Variants in NTRK2 observed in about 807,000 individuals in gnomAD.
NTRK2 encodes BDNF/NT-3 growth factors receptor.
Under a neutral mutation model 94.5 loss-of-function variants are expected in NTRK2, and 13 were observed. The ratio of observed to expected loss-of-function variants is 0.14; its 90% CI spans 0.09 to 0.22. The LOEUF (loss-of-function observed/expected upper bound fraction) is 0.22. Among genes scored for constraint, NTRK2 ranks in the 10% least tolerant of loss-of-function variants. NTRK2 has a pLI of 1.00. For missense variants in NTRK2, 639 were observed against 1,071.2 expected (o/e 0.60, Z 5.63); for synonymous variants, 372 against 407.4 (o/e 0.91, Z 1.05).
chr9:84,713,886 GTT>G (rs201627891), intron 6 of NTRK2, among the ~76,000 whole-genome samples: 1 of 139,950 alleles, frequency 7.1e-6, no homozygotes. Flanking sequence ...CTAGATGTGG[GTT>G]TTTTTTTTTT....
intron 14 of NTRK2, among the ~76,000 whole-genome samples, chr9:84,919,772 G>A (rs1016114385): frequency 2.0e-5 from 3 of 152,092 alleles, no homozygotes; most frequent in Non-Finnish European, 2.9e-5. Context: ...AGCAGTGGCC[G>A]CACCATATAA....
At chr9:84,876,948 G>T in intron 14 of NTRK2, 1 of 1,060,856 alleles carries the variant, frequency 9.4e-7, no homozygotes, top group Non-Finnish European at 1.1e-6. Context: ...GATTTTTATG[G>T]ACATTGGATT....
chr9:84,910,404 A>G (rs1305530132), intron 14 of NTRK2, among the ~76,000 whole-genome samples: 2 of 152,062 alleles, frequency 1.3e-5, no homozygotes, highest in Non-Finnish European at 2.9e-5. Flanking sequence ...TTCTTGGCTT[A>G]TAGATTTGTC....
In NTRK2 at chr9:84,828,034, T is replaced by G. The variant is rs184580324; in HGVS notation, c.1397-33006T>G. 3.5e-3 allele frequency among the ~76,000 whole-genome samples: 535 copies of G among 152,338 alleles called. 13 individuals carry two copies. Among genetic ancestry groups the G allele is most frequent in the Admixed American group, 0.034 (523 of 15,300 alleles). On this transcript the variant is annotated intron_variant, in intron 12 of 18. Coordinates refer to ENST00000277120, the MANE Select transcript of NTRK2 (RefSeq NM_006180.6). The stretch of plus-strand genomic sequence containing the variant: ...CTTTTGAAACTTGCCCTTCCAATTT[T>G]CATACCCATTGAGTTGCATTGACTC...
At chr9:84,733,131 G>A (rs541950244) in intron 9 of NTRK2, among the ~76,000 whole-genome samples, 16 of 152,272 alleles carry the variant, frequency 1.1e-4, no homozygotes, top group South Asian at 8.3e-4. Context: ...TGAGCCATCC[G>A]TTTGCAGAGA....
At chr9:84,951,247 T>A (rs770466970) in intron 16 of NTRK2, among the ~76,000 whole-genome samples, 11 of 152,220 alleles carry the variant, frequency 7.2e-5, no homozygotes, top group Non-Finnish European at 1.0e-4. Context: ...TGCAGTATTC[T>A]GAGACAATCT....
At chr9:84,939,682 C>A (rs930160414) in intron 15 of NTRK2, among the ~76,000 whole-genome samples, 13 of 152,160 alleles carry the variant, frequency 8.5e-5, no homozygotes, top group African/African-American at 3.1e-4. Flanking sequence ...ATAAAAAGAA[C>A]AATATCATGT....
intron 12 of NTRK2, among the ~76,000 whole-genome samples, chr9:84,838,629 C>T (rs2074008000): frequency 2.6e-5 from 4 of 152,076 alleles, no homozygotes; most frequent in African/African-American, 7.2e-5. Context: ...TAGAATACAA[C>T]ATGTTACTCA....
chr9:84,931,385 C>T (rs961800734), intron 14 of NTRK2, among the ~76,000 whole-genome samples: 11 of 146,354 alleles, frequency 7.5e-5, no homozygotes, highest in African/African-American at 2.0e-4. Flanking sequence ...CCAGCCTGGG[C>T]GACAGAGCGA....
chr9:84,841,755 T>C (rs1235609957), intron 12 of NTRK2, among the ~76,000 whole-genome samples: 1 of 152,222 alleles, frequency 6.6e-6, no homozygotes, highest in Non-Finnish European at 1.5e-5. Flanking sequence ...ATTTCCTTGT[T>C]GTCGTTGGTA....
At chr9:84,713,613 A>G (rs1435713135) in intron 6 of NTRK2, among the ~76,000 whole-genome samples, 5 of 152,126 alleles carry the variant, frequency 3.3e-5, no homozygotes, top group Non-Finnish European at 5.9e-5. Context: ...AAATAAAATC[A>G]AGTTCTTGGG....
rs183194597 is a variant in NTRK2, at chr9:84,859,236, G to C, written c.1397-1804G>C. 3.6e-3 allele frequency among the ~76,000 whole-genome samples: 554 copies of C among 152,324 alleles called. 14 individuals are homozygous for C. The highest frequency in any genetic ancestry group is 0.036 in the Admixed American group (543 of 15,292). On this transcript the variant is annotated intron_variant, in intron 12 of 18. Coordinates refer to ENST00000277120, the MANE Select transcript of NTRK2 (RefSeq NM_006180.6). ...TTGTGAGGTCTCTTCCCAGTTAGGT[G>C]GAGCCACACCAATGGTGGGGAATTC... is the stretch of plus-strand genomic sequence containing the variant.
intron 2 of NTRK2, among the ~76,000 whole-genome samples, chr9:84,689,913 T>C (rs2059945518): frequency 6.6e-6 from 1 of 152,244 alleles, no homozygotes; most frequent in African/African-American, 2.4e-5. Flanking sequence ...TTAAAAGCTT[T>C]TTTTTTAAAT....
chr9:84,844,649 TCACACACACACACACA>T (rs10562034), intron 12 of NTRK2, among the ~76,000 whole-genome samples: 16 of 140,922 alleles, frequency 1.1e-4, no homozygotes, highest in Middle Eastern at 3.5e-3. Context: ...AATACCTCAC[TCACACACACACACACA>T]CACACACACA....
intron 13 of NTRK2, among the ~76,000 whole-genome samples, chr9:84,865,856 T>G (rs1330875037): frequency 6.6e-6 from 1 of 152,228 alleles, no homozygotes; most frequent in African/African-American, 2.4e-5. Context: ...ACGTAGACAG[T>G]GCCTGTCATG....
rs2060521404 is a variant in NTRK2 at position 84,698,401 on chromosome 9, AT to A, written c.213-3757del. On this transcript the variant is annotated intron_variant, in intron 2 of 18. Transcript: ENST00000277120. The stretch of plus-strand genomic sequence containing the variant: ...TTTAATCTAATATATATATATATAT[AT>A]CACCTTATTTTAAACAATGTCTATT... 2.1e-5 allele frequency among the ~76,000 whole-genome samples: 3 copies of A among 145,812 alleles called. No homozygotes were observed. In the Admixed American group the frequency reaches 2.1e-4, roughly 10 times the overall value.
intron 17 of NTRK2, among the ~76,000 whole-genome samples, chr9:84,981,386 G>A (rs532430079): frequency 2.6e-4 from 40 of 152,178 alleles, no homozygotes; most frequent in South Asian, 4.1e-4. Context: ...ACAGGTGTGA[G>A]CCACCACACC....
intron 14 of NTRK2, among the ~76,000 whole-genome samples, chr9:84,904,789 A>G (rs999866670): frequency 7.2e-5 from 11 of 152,176 alleles, no homozygotes; most frequent in Non-Finnish European, 1.3e-4. Flanking sequence ...TCAAAGTCCA[A>G]TCTCTGGCTT....
intron 12 of NTRK2, among the ~76,000 whole-genome samples, chr9:84,789,607 A>C (rs997856963): frequency 6.6e-6 from 1 of 152,144 alleles, no homozygotes; most frequent in African/African-American, 2.4e-5. Context: ...GACTTGTTAA[A>C]ATCAGCCTGG....
Sources: allele counts gnomAD v4.1 joint callset (sites outside exome capture counted in the v4.1 genomes callset), GRCh38; gene constraint gnomAD v4.1.1; transcripts MANE v1.5; gene names NCBI Gene and HGNC (gene_info 2026-07-23, HGNC 2026-07-21).